The following TARBP1 variants were observed in gnomAD, a reference collection of about 807,000 sequenced individuals.
TARBP1 encodes the protein tRNA guanosine 2 -O-methyltransferase TARBP1.
Under a neutral mutation model 178.6 loss-of-function variants are expected in TARBP1, and 144 were observed. The ratio of observed to expected loss-of-function variants is 0.81; its 90% confidence interval spans 0.70 to 0.93. The LOEUF (loss-of-function observed/expected upper bound fraction) is 0.93. TARBP1 is among the 40% of genes least tolerant of loss of function. The pLI is 0.00. For synonymous variants in TARBP1, 787 were observed against 781.0 expected, an observed-to-expected ratio of 1.01 and a Z score of -0.13; for missense variants, 2,067 against 2,011.7, an observed-to-expected ratio of 1.03 and a Z score of -0.53.
chr1:234,391,321 T>TA lies in TARBP1; in HGVS notation c.*255dup, dbSNP rs1420254789. ...CGTTTCTAGGAAATAAATTCTCTCTTAAAAAATCCATTGTTTTATTTCCAC... is the reference window on the plus strand; with the variant it reads ...CGTTTCTAGGAAATAAATTCTCTCTTAAAAAAATCCATTGTTTTATTTCCAC... On this transcript the variant is annotated 3_prime_UTR_variant, in exon 30 of 30. Coordinates refer to ENST00000040877, the MANE Select transcript of TARBP1 (RefSeq NM_005646.4). 6.0e-6 allele frequency: 2 copies of TA among 334,222 alleles called. No homozygotes were observed. Among genetic ancestry groups the TA allele is most frequent in the Non-Finnish European group, 1.1e-5 (2 of 186,628 alleles). 20.7% of individuals were successfully genotyped at this position (334,222 alleles called of 1,614,324 possible).
rs530507895 is a variant in TARBP1 at position 234,467,934 on chromosome 1, C to T, written c.1100-284G>A. Among the ~76,000 whole-genome samples, 3 of 152,150 alleles carry T rather than the reference C, an allele frequency of 2.0e-5. 1 individual carries two copies. The highest frequency in any genetic ancestry group is 4.8e-5 in the African/African-American group (2 of 41,504). On this transcript the variant is annotated intron_variant, in intron 3 of 29. Coordinates refer to ENST00000040877, the MANE Select transcript of TARBP1 (RefSeq NM_005646.4). The stretch of plus-strand genomic sequence containing the variant: ...AGCAGGACTACAGGTATGCAAACCA[C>T]GCCTAGACAATTTTTAAAATATTTT...
intron 3 of TARBP1, among the ~76,000 whole-genome samples, chr1:234,470,180 T>A (rs1199105650): frequency 3.3e-5 from 5 of 151,744 alleles, no homozygotes; most frequent in African/African-American, 7.3e-5. Context: ...GGCAAAAAAA[T>A]TGCCTGAACC....
In TARBP1 at chr1:234,472,831, A is replaced by G; in HGVS notation, c.932-20T>C. 1.3e-6 allele frequency: 2 copies of G among 1,553,066 alleles called. No homozygotes were observed. The highest frequency in any genetic ancestry group is 1.7e-6 in the Non-Finnish European group (2 of 1,146,132). On this transcript the variant is annotated intron_variant, in intron 1 of 29. Transcript: ENST00000040877. The stretch of plus-strand genomic sequence containing the variant: ...TTGGGCCTGATATGGTTTAAAAAAG[A>G]AAATTAGTTCTTCCTTTTGCAAATT...
At chr1:234,461,050 C>T (rs181563630) in intron 6 of TARBP1, among the ~76,000 whole-genome samples, 17 of 152,186 alleles carry the variant, frequency 1.1e-4, no homozygotes, top group African/African-American at 3.6e-4. Flanking sequence ...GAATGAGAAG[C>T]GACTATTAAC....
At chr1:234,437,126 A>C (rs1038668921) in intron 13 of TARBP1, 149 bp downstream of exon 13, 9 of 430,148 alleles carry the variant, frequency 2.1e-5, no homozygotes, top group Non-Finnish European at 3.3e-5. Flanking sequence ...GGAGACCCCA[A>C]AGTCTAAGGT....
In TARBP1 at chr1:234,403,756, T is replaced by G. The variant is rs369721007; in HGVS notation, c.3989+2147A>C. On this transcript the variant is annotated intron_variant, in intron 24 of 29. Transcript: ENST00000040877. ...TGGAGTGCAGTGGCGCAATCTTGGC[T>G]CACTGCAACCTCCACCTCCCGGGTT... Among the ~76,000 whole-genome samples the G allele has an allele frequency of 3.3e-5, 5 of 152,318 alleles. No individual in the cohort carries two copies. In the East Asian group the frequency reaches 9.6e-4, roughly 29 times the overall value.
intron 5 of TARBP1, among the ~76,000 whole-genome samples, chr1:234,465,406 A>G (rs1428094143): frequency 6.6e-6 from 1 of 152,240 alleles, no homozygotes; most frequent in African/African-American, 2.4e-5. Context: ...TGTAGAAGAC[A>G]TAGTTTCCAA....
rs1253038638 is a variant in TARBP1, at chr1:234,440,372, AT to A, written c.2135-3001del. On this transcript the variant is annotated intron_variant, in intron 12 of 29. Transcript: ENST00000040877. ...TCAATGAAATTGACCAAAAAAAAAA[AT>A]CTATAAAAAAAAAATCAATGAAACC... is the stretch of plus-strand genomic sequence containing the variant. Among the ~76,000 whole-genome samples the A allele has an allele frequency of 5.9e-5, 9 of 151,852 alleles. No individual in the cohort carries two copies. The East Asian group carries it at 7.7e-4, about 13-fold the overall frequency.
At position 234,418,154 on chromosome 1, in the gene TARBP1, T is replaced by A; in HGVS notation, c.3635A>T (p.Glu1212Val). Residue 1212 changes from glutamate (E) to valine (V), a missense_variant, in exon 22 of 30, where the codon GAA becomes GTA. Coordinates refer to ENST00000040877, the MANE Select transcript of TARBP1 (RefSeq NM_005646.4). ...NNQASIKYFI[E>V]WIIILILHKF... ...ATGAAGAATCAATATAATAATCCAT[T>A]CTATAAAATATTTTATGGATGCTTG... The A allele has an allele frequency of 6.5e-7, 1 of 1,540,174 alleles. No individual in the cohort carries two copies. The highest frequency in any genetic ancestry group is 2.4e-5 in the East Asian group (1 of 41,472).
chr1:234,412,997 C>T (rs900490671), intron 22 of TARBP1, among the ~76,000 whole-genome samples: 1 of 152,272 alleles, frequency 6.6e-6, no homozygotes, highest in Admixed American at 6.5e-5. Context: ...GCCTGCGCCC[C>T]CTCGACCCCC....
At chr1:234,423,927 C>T (rs1558183685) in intron 20 of TARBP1, among the ~76,000 whole-genome samples, 1 of 151,984 alleles carries the variant, frequency 6.6e-6, no homozygotes, top group South Asian at 2.1e-4. Flanking sequence ...TATATTATAA[C>T]ATGTATTTTT....
rs1029298324 is a variant in TARBP1 at position 234,430,412 on chromosome 1, C to T, written c.2395-111G>A. Reference sequence around the variant, plus strand: ...AAGCTCTCCTTTTCCCTCTTCCTGCCTGCTCCTGAATATCAGGAGAAATAA... The same window carrying T: ...AAGCTCTCCTTTTCCCTCTTCCTGCTTGCTCCTGAATATCAGGAGAAATAA... On this transcript the variant is annotated intron_variant, in intron 14 of 29. Transcript: ENST00000040877. 3.4e-6 allele frequency: 3 copies of T among 876,262 alleles called. No homozygotes were observed. The African/African-American group carries it at 5.1e-5, about 15-fold the overall frequency. The allele number at this position is 876,262 out of a possible 1,614,324, so 54.3% of individuals were successfully genotyped here.
chr1:234,426,118 C>T (rs1160823657), intron 19 of TARBP1, among the ~76,000 whole-genome samples: 1 of 152,146 alleles, frequency 6.6e-6, no homozygotes, highest in Non-Finnish European at 1.5e-5. Context: ...TGAGCCTATC[C>T]CTGAAAGAGG....
At chr1:234,453,421 C>G (rs1338835991) in intron 9 of TARBP1, among the ~76,000 whole-genome samples, 1 of 151,140 alleles carries the variant, frequency 6.6e-6, no homozygotes, top group Non-Finnish European at 1.5e-5. Context: ...AACTCCTGAG[C>G]TCAAGTGATC....
chr1:234,413,471 T>C (rs1461957272), intron 22 of TARBP1, among the ~76,000 whole-genome samples: 3 of 137,246 alleles, frequency 2.2e-5, no homozygotes, highest in Admixed American at 7.5e-5. Flanking sequence ...CGAAACTCCA[T>C]TGCAAAAACA....
intron 28 of TARBP1, 42 bp from the exon 29 acceptor site, chr1:234,392,594 T>C (rs1443859191): frequency 6.3e-7 from 1 of 1,586,568 alleles, no homozygotes; most frequent in South Asian, 1.1e-5. Context: ...CATTCAGTTA[T>C]AGCCCTGCTT....
At chr1:234,444,458 T>C (rs1665938345) in intron 12 of TARBP1, among the ~76,000 whole-genome samples, 1 of 152,222 alleles carries the variant, frequency 6.6e-6, no homozygotes, top group Admixed American at 6.5e-5. Context: ...GAATCTCATC[T>C]GATTAGGCAC....
At chr1:234,470,635 G>GACAGAGCA (rs750909326) in intron 3 of TARBP1, among the ~76,000 whole-genome samples, 37,945 of 132,484 alleles carry the variant, frequency 0.29, 6,635 homozygotes, top group East Asian at 0.83. Flanking sequence ...TTTTTTTTTT[G>GACAGAGCA]AGACGGAGTC....
chr1:234,432,697 G>C (rs1483015251), intron 14 of TARBP1, among the ~76,000 whole-genome samples: 1 of 151,988 alleles, frequency 6.6e-6, no homozygotes, highest in Non-Finnish European at 1.5e-5. Flanking sequence ...CAGCCTCCAT[G>C]AGGAAGATAG....
Sources: allele counts gnomAD v4.1 joint callset (sites outside exome capture counted in the v4.1 genomes callset), GRCh38; gene constraint gnomAD v4.1.1; transcripts MANE v1.5; gene names NCBI Gene and HGNC (gene_info 2026-07-23, HGNC 2026-07-21).